ZZEF1: variants seen among roughly 807,000 people sequenced by gnomAD.
The protein encoded by ZZEF1 is zinc finger ZZ-type and EF-hand domain-containing protein 1.
In ZZEF1, 157 loss-of-function variants were observed where a neutral mutation model predicts 342.8. That is an observed-to-expected ratio of 0.46 (90% CI 0.40 to 0.52). The LOEUF is 0.52. ZZEF1 is among the 20% of genes least tolerant of loss of function. The pLI is 0.00. For synonymous variants in ZZEF1, 1,505 were observed against 1,429.1 expected (o/e 1.05, Z -1.20); for missense variants, 3,480 against 3,725.6 (o/e 0.93, Z 1.72).
intron 38 of ZZEF1, among the ~76,000 whole-genome samples, chr17:4,043,137 G>A (rs1202808389): frequency 2.0e-5 from 3 of 152,158 alleles, no homozygotes; most frequent in Non-Finnish European, 4.4e-5. Context: ...GCTCTGCTGT[G>A]CTCACAGCAT....
intron 26 of ZZEF1, among the ~76,000 whole-genome samples, chr17:4,069,943 C>T (rs934197700): frequency 6.6e-6 from 1 of 152,226 alleles, no homozygotes; most frequent in Admixed American, 6.5e-5. Flanking sequence ...ACATACCCTG[C>T]CAGGCGGTTA....
intron 44 of ZZEF1, among the ~76,000 whole-genome samples, chr17:4,022,144 C>T (rs886917451): frequency 1.3e-5 from 2 of 152,090 alleles, no homozygotes; most frequent in African/African-American, 4.8e-5. Flanking sequence ...TGTGAATGGC[C>T]GCTCACTCCC....
chr17:4,141,201 G>A lies in ZZEF1; in HGVS notation c.354+1341C>T, dbSNP rs569052764. ...TGGGATTACAGGCGTGAGCCACTGC[G>A]CCCAGCCATGACTATTATTTTTAAG... On this transcript the variant is annotated intron_variant, in intron 1 of 54. Coordinates refer to ENST00000381638, the MANE Select transcript of ZZEF1 (RefSeq NM_015113.4). Among the ~76,000 whole-genome samples, 248 of 152,300 alleles carry A rather than the reference G, an allele frequency of 1.6e-3. 1 individual carries two copies. The highest frequency in any genetic ancestry group is 6.8e-3 in the Middle Eastern group (2 of 294).
At chr17:4,040,775 T>C (rs1234267726) in intron 39 of ZZEF1, among the ~76,000 whole-genome samples, 7 of 152,074 alleles carry the variant, frequency 4.6e-5, no homozygotes, top group Admixed American at 2.6e-4. Context: ...CCATCAGAAG[T>C]AAGCTGGCTG....
At chr17:4,048,873 A>ATTTTTTTTT (rs71144157) in intron 37 of ZZEF1, among the ~76,000 whole-genome samples, 7 of 133,746 alleles carry the variant, frequency 5.2e-5, no homozygotes, top group Non-Finnish European at 3.2e-5. Flanking sequence ...AGCCTGGATA[A>ATTTTTTTTT]TTTTTTTTTT....
Position 4,016,314 on chromosome 17 carries a change from C to A in ZZEF1, c.8145+9G>T. 1 of 1,611,462 alleles carries A rather than the reference C, an allele frequency of 6.2e-7. No individual in the cohort carries two copies. Among genetic ancestry groups the A allele is most frequent in the Non-Finnish European group, 8.5e-7 (1 of 1,179,094 alleles). ...TCGCTCTTATGGGGCCTGCCGGCCC[C>A]AGGCTTACCTCGAAGTTGGTGTTGT... On this transcript the variant is annotated intron_variant, in intron 49 of 54. Transcript: ENST00000381638. The surrounding 1 kb of genome is among the most constrained non-coding windows in gnomAD (Gnocchi z 4.4).
intron 18 of ZZEF1, among the ~76,000 whole-genome samples, chr17:4,079,682 GAGCAAC>G (rs1363785731): frequency 6.6e-6 from 1 of 152,190 alleles, no homozygotes; most frequent in African/African-American, 2.4e-5. Context: ...GTCAGCCTAA[GAGCAAC>G]CTTGGCAAAT....
At chr17:4,077,840 C>T (rs2057651570) in intron 19 of ZZEF1, 43 bp downstream of exon 19, 9 of 1,602,994 alleles carry the variant, frequency 5.6e-6, no homozygotes, top group Non-Finnish European at 7.7e-6. Context: ...AGAGTCAAAA[C>T]CCAAACGCCA....
At chr17:4,123,431 A>G (rs1041039782) in intron 2 of ZZEF1, among the ~76,000 whole-genome samples, 6 of 151,388 alleles carry the variant, frequency 4.0e-5, no homozygotes, top group African/African-American at 1.5e-4. Context: ...TTCTTAAAAA[A>G]CCACTAAGTG....
chr17:4,014,157 G>C lies in ZZEF1; in HGVS notation c.8346C>G (p.Asp2782Glu), dbSNP rs1245409720. The C allele has an allele frequency of 1.9e-6, 3 of 1,614,212 alleles. No individual in the cohort carries two copies. The highest frequency in any genetic ancestry group is 2.5e-6 in the Non-Finnish European group (3 of 1,180,044). Residue 2782 changes from aspartate (D) to glutamate (E), a missense_variant, in exon 51 of 55, where the codon GAC (aspartate) becomes GAG (glutamate). Around this residue, in one of 5 missense-constraint regions of ZZEF1, gnomAD observed 1,269 missense variants for 1,342.4 expected, o/e 0.95. Transcript: ENST00000381638. This position sits in a 1 kb window ranked among gnomAD's most constrained non-coding sequence, Gnocchi z 4.4. ...GDTLYYRFTS[D>E]MSNTEWGYRF... ...TGTAGCCCCACTCGGTGTTGCTCAT[G>C]TCGGAGGTGAAGCGGTAATACAGAG...
chr17:4,034,512 A>G (rs1387664585), intron 39 of ZZEF1, among the ~76,000 whole-genome samples: 6 of 152,206 alleles, frequency 3.9e-5, no homozygotes, highest in Non-Finnish European at 8.8e-5. Context: ...CTGAAAAAGA[A>G]ACTTAAAATA....
At chr17:4,063,640 T>C (rs781833) in intron 29 of ZZEF1, among the ~76,000 whole-genome samples, 8,240 of 152,080 alleles carry the variant, frequency 0.054, 780 homozygotes, top group African/African-American at 0.19. Context: ...TGACTTACTG[T>C]AGCCTCAACC....
intron 42 of ZZEF1, among the ~76,000 whole-genome samples, chr17:4,030,979 G>A (rs1376091928): frequency 6.6e-6 from 1 of 152,106 alleles, no homozygotes; most frequent in Non-Finnish European, 1.5e-5. Context: ...GGGAGTTTGA[G>A]ACCAGCCTGG....
At chr17:4,035,703 A>G (rs914322803) in intron 39 of ZZEF1, among the ~76,000 whole-genome samples, 1 of 152,228 alleles carries the variant, frequency 6.6e-6, no homozygotes, top group African/African-American at 2.4e-5. Flanking sequence ...AGGGGCTCAG[A>G]GTCCAAACAG....
Position 4,054,120 on chromosome 17 carries a change from G to C in ZZEF1, c.5371C>G (p.Pro1791Ala), listed in dbSNP as rs2057107244. ...ISCDGCDEIA[P>A]WHRYRCLQCS... ...TGCAGACAGCGGTATCGATGCCAGG[G>C]GGCAATCTCATCACACCCATCACAA... The change falls in exon 34 of 55, where the codon CCC becomes GCC. Residue 1791 changes from proline to alanine, a missense_variant. Pro to Ala is a conservative substitution (Grantham distance 27). Transcript: ENST00000381638. 1 of 1,613,540 alleles carries C rather than the reference G, an allele frequency of 6.2e-7. No individual in the cohort carries two copies. Among genetic ancestry groups the C allele is most frequent in the Non-Finnish European group, 8.5e-7 (1 of 1,179,738 alleles).
chr17:4,030,053 G>T (rs1452998948), intron 42 of ZZEF1, among the ~76,000 whole-genome samples: 1 of 144,400 alleles, frequency 6.9e-6, no homozygotes, highest in Admixed American at 6.9e-5. Context: ...GAAAAGAAAA[G>T]AAACCGGAAA....
chr17:4,064,219 C>A, intron 29 of ZZEF1, 142 bp downstream of exon 29: 3 of 681,164 alleles, frequency 4.4e-6, no homozygotes, highest in Non-Finnish European at 6.7e-6. Context: ...AAAATCAAAA[C>A]TTTTCTTGAA....
intron 1 of ZZEF1, among the ~76,000 whole-genome samples, chr17:4,124,750 G>A (rs1277635103): frequency 1.3e-5 from 2 of 151,944 alleles, no homozygotes; most frequent in East Asian, 1.9e-4. Context: ...GGGCCACCGC[G>A]TCTGCCTGGG....
chr17:4,013,942 A>T, intron 51 of ZZEF1, 148 bp downstream of exon 51: 1 of 731,448 alleles, frequency 1.4e-6, no homozygotes, highest in Non-Finnish European at 2.2e-6. Flanking sequence ...CAGGAGTGAC[A>T]GGTGTGGGGC....
Sources: allele counts gnomAD v4.1 joint callset (sites outside exome capture counted in the v4.1 genomes callset), GRCh38; gene constraint gnomAD v4.1.1; regional missense constraint gnomAD v4.1.1; non-coding constraint Gnocchi (gnomAD v3.1); transcripts MANE v1.5; gene names NCBI Gene and HGNC (gene_info 2026-07-23, HGNC 2026-07-21).